Variants in DSTYK observed in about 807,000 individuals in gnomAD.
DSTYK encodes dual serine/threonine and tyrosine protein kinase.
DSTYK carries 34 observed loss-of-function variants against 98.7 expected under a neutral mutation model. The observed-to-expected ratio is 0.34, with a 90% CI of 0.26 to 0.46. The LOEUF (loss-of-function observed/expected upper bound fraction) is 0.46, where lower values mean the gene tolerates loss of function less well. Ranked by LOEUF, DSTYK falls within the 20% of genes least tolerant of loss-of-function variation. The probability of loss-of-function intolerance (pLI) is 1.00; values close to 1 mark genes in which losing one functional copy is unlikely to be tolerated. For missense variants in DSTYK, 962 were observed against 1,181.7 expected, an observed-to-expected ratio of 0.81 and a Z score of 2.73; for synonymous variants, 462 against 457.3, an observed-to-expected ratio of 1.01 and a Z score of -0.13.
intron 1 of DSTYK, among the ~76,000 whole-genome samples, chr1:205,206,558 C>T (rs1278314299): frequency 2.0e-5 from 3 of 150,178 alleles, no homozygotes; most frequent in African/African-American, 4.9e-5. Context: ...GGATTACAGG[C>T]GTGAGCCACC....
Position 205,198,972 on chromosome 1 carries a change from T to C in DSTYK, c.266-11166A>G, listed in dbSNP as rs529559367. Among the ~76,000 whole-genome samples, 9 of 152,172 alleles carry C rather than the reference T, an allele frequency of 5.9e-5. No homozygotes were observed. The East Asian group carries it at 9.7e-4, about 16-fold the overall frequency. The stretch of plus-strand genomic sequence containing the variant: ...TCAGCCTCCCAGGCACTAAAGCTCT[T>C]AATCTGATGAAACTAAAGTTAGACA... On this transcript the variant is annotated intron_variant, in intron 1 of 12. Transcript: ENST00000367162.
At chr1:205,211,218 C>T in intron 1 of DSTYK, 53 bp downstream of exon 1, 1 of 1,531,810 alleles carries the variant, frequency 6.5e-7, no homozygotes. Context: ...GGGTGCGGTC[C>T]GTCCTCCGAT....
intron 1 of DSTYK, among the ~76,000 whole-genome samples, chr1:205,201,860 G>A (rs1659050850): frequency 6.6e-6 from 1 of 152,132 alleles, no homozygotes; most frequent in Non-Finnish European, 1.5e-5. Flanking sequence ...AGGAATTCGA[G>A]ACCAGCCTGA....
intron 10 of DSTYK, among the ~76,000 whole-genome samples, chr1:205,151,330 CAAT>C (rs983298066): frequency 6.6e-6 from 1 of 152,162 alleles, no homozygotes; most frequent in Non-Finnish European, 1.5e-5. Flanking sequence ...AGCTTTTCTT[CAAT>C]AATAAATCAA....
chr1:205,188,410 C>T (rs1335001199), intron 1 of DSTYK, among the ~76,000 whole-genome samples: 2 of 152,126 alleles, frequency 1.3e-5, no homozygotes, highest in African/African-American at 2.4e-5. Context: ...CACACCTAGG[C>T]TATAGGGTGT....
chr1:205,166,471 C>CA (rs34123378), intron 3 of DSTYK, among the ~76,000 whole-genome samples: 21,481 of 131,024 alleles, frequency 0.16, 2,018 homozygotes, highest in East Asian at 0.44. Context: ...CTCGTCTTTA[C>CA]AAAAAAAAAA....
chr1:205,187,851 G>A (rs1179876488), intron 1 of DSTYK, 45 bp from the exon 2 acceptor site: 2 of 1,508,164 alleles, frequency 1.3e-6, no homozygotes, highest in African/African-American at 2.8e-5. Flanking sequence ...GGAGTAGAGA[G>A]AGAGGAGTGA....
chr1:205,159,397 T>A, intron 9 of DSTYK, 150 bp downstream of exon 9: 1 of 1,094,440 alleles, frequency 9.1e-7, no homozygotes, highest in Non-Finnish European at 1.3e-6. Context: ...CTGAGAAATC[T>A]TTAAGGGTTT....
rs1302112310 is a variant in DSTYK, at chr1:205,161,114, T to A, written c.1948+144A>T. The A allele has an allele frequency of 3.8e-6, 4 of 1,063,936 alleles. No individual in the cohort carries two copies. The Admixed American group carries it at 9.4e-5, about 25-fold the overall frequency. The allele number at this position is 1,063,936 out of a possible 1,614,324, so 65.9% of individuals were successfully genotyped here. ...AACTATATAAATAGCAGGAAGAGAC[T>A]TTAGGAATTCAAAAACATCAGTAAG... On this transcript the variant is annotated intron_variant, in intron 7 of 12. Transcript: ENST00000367162.
chr1:205,162,934 G>C lies in DSTYK; in HGVS notation c.1630C>G (p.Gln544Glu), dbSNP rs1382347371. The C allele has an allele frequency of 6.2e-7, 1 of 1,612,952 alleles. No individual in the cohort carries two copies. Among genetic ancestry groups the C allele is most frequent in the African/African-American group, 1.3e-5 (1 of 75,002 alleles). The change falls in exon 5 of 13, where the codon CAA (glutamine) becomes GAA (glutamate). Residue 544 changes from glutamine (Q) to glutamate (E), a missense_variant. Physicochemically the swap from Gln to Glu is conservative, Grantham distance 29. Around this residue, in one of 4 missense-constraint regions of DSTYK, gnomAD observed 660 missense variants for 855.0 expected, o/e 0.77. Transcript: ENST00000367162. Reference sequence around the variant, plus strand: ...GTAATAATCCCTACCTGTTTGATTTGCTCCCATAGCATCCTTGTAACTGAC... The same window carrying C: ...GTAATAATCCCTACCTGTTTGATTTCCTCCCATAGCATCCTTGTAACTGAC... ...GSSVTRMLWEQIKQIIQRITW... is the reference protein window; with the variant it reads ...GSSVTRMLWEEIKQIIQRITW...
chr1:205,154,416 C>A (rs553713023), intron 10 of DSTYK, among the ~76,000 whole-genome samples: 11 of 152,142 alleles, frequency 7.2e-5, no homozygotes, highest in South Asian at 2.1e-4. Context: ...TTTTTCCCCC[C>A]CTTTTGATCG....
chr1:205,191,178 T>G (rs963479009), intron 1 of DSTYK, among the ~76,000 whole-genome samples: 2 of 152,240 alleles, frequency 1.3e-5, no homozygotes, highest in Admixed American at 6.5e-5. Context: ...CAGTACACTG[T>G]TAGAAGTCCA....
Position 205,187,780 on chromosome 1 carries a change from G to A in DSTYK, c.292C>T (p.Pro98Ser). The A allele has an allele frequency of 1.9e-6, 3 of 1,613,546 alleles. No homozygotes were observed. Among genetic ancestry groups the A allele is most frequent in the East Asian group, 2.2e-5 (1 of 44,874 alleles). ...AGQLSCISFPPKEEKYLQQIV... is the reference protein window; with the variant it reads ...AGQLSCISFPSKEEKYLQQIV... ...TGCTGGAGGTACTTCTCTTCCTTAG[G>A]TGGGAAGGAAATGCAGCTCAGTTGG... The change falls in exon 2 of 13, where the codon CCT (proline) becomes TCT (serine). Residue 98 changes from proline (P) to serine (S), a missense_variant. Around this residue, in one of 4 missense-constraint regions of DSTYK, gnomAD observed 660 missense variants for 855.0 expected, o/e 0.77. Coordinates refer to ENST00000367162, the MANE Select transcript of DSTYK (RefSeq NM_015375.3).
At chr1:205,167,872 G>A (rs1389864127) in intron 3 of DSTYK, among the ~76,000 whole-genome samples, 2 of 152,226 alleles carry the variant, frequency 1.3e-5, no homozygotes, top group Non-Finnish European at 2.9e-5. Flanking sequence ...AGCACTTCGG[G>A]AGGCCGAGGC....
intron 6 of DSTYK, 67 bp downstream of exon 6, chr1:205,161,969 A>G: frequency 6.5e-7 from 1 of 1,531,636 alleles, no homozygotes; most frequent in Non-Finnish European, 8.9e-7. Context: ...CGGAGAGCGA[A>G]ATATTCCCAT....
At chr1:205,157,430 C>T in intron 9 of DSTYK, 44 bp from the exon 10 acceptor site, 1 of 1,483,118 alleles carries the variant, frequency 6.7e-7, no homozygotes, top group Non-Finnish European at 9.4e-7. Context: ...AAGGCAACTC[C>T]TCAATTCAAC....
At chr1:205,197,371 A>G (rs1449276427) in intron 1 of DSTYK, among the ~76,000 whole-genome samples, 1 of 152,202 alleles carries the variant, frequency 6.6e-6, no homozygotes, top group Non-Finnish European at 1.5e-5. Flanking sequence ...TCTAATATAG[A>G]TCAGGAAGGA....
Position 205,160,229 on chromosome 1 carries a change from C to T in DSTYK, c.1990G>A (p.Gly664Ser). The T allele has an allele frequency of 6.2e-7, 1 of 1,614,168 alleles. No individual in the cohort carries two copies. The change falls in exon 8 of 13, where the codon GGT becomes AGT. Residue 664 changes from glycine (G) to serine (S), a missense_variant. Physicochemically the swap from Gly to Ser is moderately conservative, Grantham distance 56. Transcript: ENST00000367162. ...LGQELGRGQY[G>S]VVYLCDNWGG... ...CAGTTGTCACACAGGTATACCACAC[C>T]ATACTGGCCCCGGCCCAGTTCCTGT...
chr1:205,150,876 A>G lies in DSTYK; in HGVS notation c.2353-82T>C. The G allele has an allele frequency of 3.8e-6, 4 of 1,049,716 alleles. No individual in the cohort carries two copies. The highest frequency in any genetic ancestry group is 5.9e-6 in the Non-Finnish European group (4 of 679,080). 65.0% of individuals were successfully genotyped at this position (1,049,716 alleles called of 1,614,324 possible). ...TGCGTACCTAAGCTCAAAGGTAGGT[A>G]CCTCAAAGTAGTGTCACTGGATAGG... On this transcript the variant is annotated intron_variant, in intron 10 of 12. Coordinates refer to ENST00000367162, the MANE Select transcript of DSTYK (RefSeq NM_015375.3). This position sits in a 1 kb window ranked among gnomAD's most constrained non-coding sequence, Gnocchi z 4.1.
Sources: gnomAD v4.1 joint callset for allele counts (sites outside exome capture counted in the v4.1 genomes callset) on GRCh38, gnomAD v4.1.1 for gene constraint, gnomAD v4.1.1 regional missense constraint, Gnocchi (gnomAD v3.1) non-coding constraint, MANE v1.5 for transcripts, NCBI Gene and HGNC (gene_info 2026-07-23, HGNC 2026-07-21) for gene names.